GALNT18: variants seen among roughly 807,000 people sequenced by gnomAD.
GALNT18 encodes GalNAc-transferase 18.
Under a neutral mutation model 69.5 loss-of-function variants are expected in GALNT18, and 44 were observed. The ratio of observed to expected loss-of-function variants is 0.63; its 90% confidence interval spans 0.50 to 0.81. GALNT18 has a LOEUF of 0.81. GALNT18 is among the 40% of genes least tolerant of loss of function. The pLI is 0.00. For synonymous variants in GALNT18, 364 were observed against 318.2 expected, an observed-to-expected ratio of 1.14 and a Z score of -1.53; for missense variants, 715 against 810.0, an observed-to-expected ratio of 0.88 and a Z score of 1.42.
At position 11,315,296 on chromosome 11, in the gene GALNT18, C is replaced by T. The variant is rs1274847850; in HGVS notation, c.1512+11790G>A. 2.0e-5 allele frequency among the ~76,000 whole-genome samples: 3 copies of T among 152,188 alleles called. No individual in the cohort carries two copies. Among genetic ancestry groups the T allele is most frequent in the Admixed American group, 6.5e-5 (1 of 15,276 alleles). On this transcript the variant is annotated intron_variant, in intron 9 of 10. Coordinates refer to ENST00000227756, the MANE Select transcript of GALNT18 (RefSeq NM_198516.3). This position sits in a 1 kb window ranked among gnomAD's most constrained non-coding sequence, Gnocchi z 5.6. ...AGGTGGACCTAGCAAGGTCCATTCA[C>T]TTCCTTTCAGTGGTGCCATCAGGAA...
chr11:11,351,922 C>T, intron 6 of GALNT18: 1 of 1,534,584 alleles, frequency 6.5e-7, no homozygotes, highest in South Asian at 1.2e-5. Flanking sequence ...TCTGCTCAGG[C>T]ATCAGGAGAC....
chr11:11,566,637 A>T (rs1858659236), intron 1 of GALNT18, among the ~76,000 whole-genome samples: 1 of 152,222 alleles, frequency 6.6e-6, no homozygotes, highest in Admixed American at 6.5e-5. Flanking sequence ...AGATAAGAGA[A>T]ATATGGCAAA....
In GALNT18 at chr11:11,444,910, C is replaced by T. The variant is rs1408167628; in HGVS notation, c.428+3834G>A. Among the ~76,000 whole-genome samples, 5 of 152,324 alleles carry T rather than the reference C, an allele frequency of 3.3e-5. No individual in the cohort carries two copies. The East Asian group carries it at 9.7e-4, about 29-fold the overall frequency. ...GCAAGAGCCACACAGCATGAATCTTCCAGAGACTGCAGTGACTGTGGGCTT... is the reference window on the plus strand; with the variant it reads ...GCAAGAGCCACACAGCATGAATCTTTCAGAGACTGCAGTGACTGTGGGCTT... On this transcript the variant is annotated intron_variant, in intron 2 of 10. Coordinates refer to ENST00000227756, the MANE Select transcript of GALNT18 (RefSeq NM_198516.3). The surrounding 1 kb of genome is among the most constrained non-coding windows in gnomAD (Gnocchi z 4.4).
chr11:11,312,815 C>A (rs1849692319), intron 9 of GALNT18, among the ~76,000 whole-genome samples: 1 of 152,208 alleles, frequency 6.6e-6, no homozygotes, highest in Non-Finnish European at 1.5e-5. Flanking sequence ...ACTTTCTTAA[C>A]ATTCATTTAG....
intron 9 of GALNT18, among the ~76,000 whole-genome samples, chr11:11,312,158 G>C (rs529085925): frequency 1.0e-3 from 153 of 151,268 alleles, no homozygotes; most frequent in Non-Finnish European, 1.5e-3. Flanking sequence ...GGGTCTCACT[G>C]TGTTAGCCAG....
chr11:11,474,649 G>A (rs1856348690), intron 1 of GALNT18, among the ~76,000 whole-genome samples: 1 of 152,212 alleles, frequency 6.6e-6, no homozygotes, highest in South Asian at 2.1e-4. Flanking sequence ...GAAACACTGG[G>A]CTTTAAAGTT....
rs1359840869 is a variant in GALNT18 at position 11,562,132 on chromosome 11, C to G, written c.235+59227G>C. On this transcript the variant is annotated intron_variant, in intron 1 of 10. Transcript: ENST00000227756. The surrounding 1 kb of genome is among the most constrained non-coding windows in gnomAD (Gnocchi z 4.1). ...CTAACTAAGTAGCACAGACTGGGTG[C>G]CTTCAACAACAGATATTCATTCTCT... Among the ~76,000 whole-genome samples, 1 of 152,208 alleles carries G rather than the reference C, an allele frequency of 6.6e-6. No homozygotes were observed. Among genetic ancestry groups the G allele is most frequent in the African/African-American group, 2.4e-5 (1 of 41,436 alleles).
chr11:11,439,758 G>T lies in GALNT18; in HGVS notation c.429-6971C>A, dbSNP rs1855495579. ...CAGCAGAAAGAATTCAGGTCCATAA[G>T]GGCTCTGTGGATGGGAATTCTACCA... is the stretch of plus-strand genomic sequence containing the variant. On this transcript the variant is annotated intron_variant, in intron 2 of 10. Transcript: ENST00000227756. This position sits in a 1 kb window ranked among gnomAD's most constrained non-coding sequence, Gnocchi z 4.4. Among the ~76,000 whole-genome samples the T allele has an allele frequency of 1.3e-5, 2 of 152,134 alleles. No individual in the cohort carries two copies. The highest frequency in any genetic ancestry group is 2.9e-5 in the Non-Finnish European group (2 of 68,028).
At chr11:11,385,496 C>T (rs1414757834) in intron 3 of GALNT18, among the ~76,000 whole-genome samples, 3 of 152,038 alleles carry the variant, frequency 2.0e-5, no homozygotes, top group Admixed American at 6.5e-5. Context: ...GGGGTTTCAC[C>T]ATGTTAGCCA....
At position 11,529,638 on chromosome 11, in the gene GALNT18, TAC is replaced by T. The variant is rs765431311; in HGVS notation, c.236-80704_236-80703del. Among the ~76,000 whole-genome samples, 466 of 72,948 alleles carry T rather than the reference TAC, an allele frequency of 6.4e-3. 1 individual carries two copies. The highest frequency in any genetic ancestry group is 0.013 in the Admixed American group (91 of 7,020). The allele number at this position is 72,948 out of a possible 152,430, so 47.9% of individuals were successfully genotyped here. ...ATAATAATCTCCTTATATATATATATACACACACACACACACACAGAGACATA... is the reference window on the plus strand; with the variant it reads ...ATAATAATCTCCTTATATATATATATACACACACACACACACAGAGACATA... On this transcript the variant is annotated intron_variant, in intron 1 of 10. Coordinates refer to ENST00000227756, the MANE Select transcript of GALNT18 (RefSeq NM_198516.3).
In GALNT18 at chr11:11,596,218, C is replaced by G. The variant is rs936569147; in HGVS notation, c.235+25141G>C. On this transcript the variant is annotated intron_variant, in intron 1 of 10. Coordinates refer to ENST00000227756, the MANE Select transcript of GALNT18 (RefSeq NM_198516.3). The surrounding 1 kb of genome is among the most constrained non-coding windows in gnomAD (Gnocchi z 4.2). The stretch of plus-strand genomic sequence containing the variant: ...ATAAATTTAAGCACTTAATTCTGGA[C>G]TGTCAATTCTATTCTGTTGATCAGT... Among the ~76,000 whole-genome samples the G allele has an allele frequency of 2.0e-5, 3 of 152,190 alleles. No individual in the cohort carries two copies. The highest frequency in any genetic ancestry group is 3.8e-4 in the East Asian group (2 of 5,198).
rs1268352639 is a variant in GALNT18 at position 11,606,638 on chromosome 11, C to A, written c.235+14721G>T. 2.0e-5 allele frequency among the ~76,000 whole-genome samples: 3 copies of A among 152,134 alleles called. No individual in the cohort carries two copies. The highest frequency in any genetic ancestry group is 4.4e-5 in the Non-Finnish European group (3 of 68,034). On this transcript the variant is annotated intron_variant, in intron 1 of 10. Coordinates refer to ENST00000227756, the MANE Select transcript of GALNT18 (RefSeq NM_198516.3). This position sits in a 1 kb window ranked among gnomAD's most constrained non-coding sequence, Gnocchi z 5.4. ...GGTCAGCAGGCCAGGGAGAGGAGAT[C>A]CCATCCAAGGGAGACCCTGAAAAGC...
chr11:11,563,492 C>G lies in GALNT18; in HGVS notation c.235+57867G>C, dbSNP rs1016047815. The stretch of plus-strand genomic sequence containing the variant: ...AGTTTCCAACTTGTGAGTTTGAACA[C>G]TTAAGCTGAAAAAGGATTTAAATGC... On this transcript the variant is annotated intron_variant, in intron 1 of 10. Coordinates refer to ENST00000227756, the MANE Select transcript of GALNT18 (RefSeq NM_198516.3). This position sits in a 1 kb window ranked among gnomAD's most constrained non-coding sequence, Gnocchi z 4.6. Among the ~76,000 whole-genome samples the G allele has an allele frequency of 3.9e-5, 6 of 152,172 alleles. No homozygotes were observed. The highest frequency in any genetic ancestry group is 2.9e-5 in the Non-Finnish European group (2 of 68,034).
At chr11:11,284,744 T>A (rs1849155711) in intron 10 of GALNT18, among the ~76,000 whole-genome samples, 1 of 152,134 alleles carries the variant, frequency 6.6e-6, no homozygotes, top group Non-Finnish European at 1.5e-5. Flanking sequence ...CTCAGGAGTT[T>A]CTAGGTTAAG....
At chr11:11,297,682 T>C (rs560464446) in intron 9 of GALNT18, among the ~76,000 whole-genome samples, 6 of 152,266 alleles carry the variant, frequency 3.9e-5, no homozygotes, top group Admixed American at 2.6e-4. Flanking sequence ...GCAGCATCCC[T>C]CCTGTAACTC....
chr11:11,293,258 T>C (rs2133005779), intron 9 of GALNT18, 65 bp from the exon 10 acceptor site: 2 of 1,269,240 alleles, frequency 1.6e-6, no homozygotes, highest in Non-Finnish European at 2.0e-6. Flanking sequence ...GGAGCATAGG[T>C]GGTGATTCTT....
chr11:11,405,329 T>A (rs1469403010), intron 3 of GALNT18, among the ~76,000 whole-genome samples: 3 of 152,206 alleles, frequency 2.0e-5, no homozygotes, highest in African/African-American at 7.2e-5. Flanking sequence ...ACTACACTTA[T>A]ATTGTTTTTA....
Position 11,586,703 on chromosome 11 carries a change from G to C in GALNT18, c.235+34656C>G, listed in dbSNP as rs1456551095. On this transcript the variant is annotated intron_variant, in intron 1 of 10. Coordinates refer to ENST00000227756, the MANE Select transcript of GALNT18 (RefSeq NM_198516.3). The surrounding 1 kb of genome is among the most constrained non-coding windows in gnomAD (Gnocchi z 4.1). ...AAAATACTGAAATAGGCCGGGCTTGGTAGCTCATGCCTGTAATCACAGCCC... is the reference window on the plus strand; with the variant it reads ...AAAATACTGAAATAGGCCGGGCTTGCTAGCTCATGCCTGTAATCACAGCCC... 6.6e-6 allele frequency among the ~76,000 whole-genome samples: 1 copy of C among 152,170 alleles called. No individual in the cohort carries two copies. The highest frequency in any genetic ancestry group is 6.5e-5 in the Admixed American group (1 of 15,280).
chr11:11,512,943 C>T (rs114236810), intron 1 of GALNT18, among the ~76,000 whole-genome samples: 129 of 152,220 alleles, frequency 8.5e-4, no homozygotes, highest in African/African-American at 2.8e-3. Context: ...GGTACCTGTG[C>T]GTGTGCATCT....
Sources: gnomAD v4.1 joint callset for allele counts (sites outside exome capture counted in the v4.1 genomes callset) on GRCh38, gnomAD v4.1.1 for gene constraint, Gnocchi (gnomAD v3.1) non-coding constraint, MANE v1.5 for transcripts, NCBI Gene and HGNC (gene_info 2026-07-23, HGNC 2026-07-21) for gene names.